NOTCH3: variants seen among roughly 807,000 people sequenced by gnomAD.
The protein encoded by NOTCH3 is notch receptor 3.
A neutral mutation model predicts 213.3 loss-of-function variants in NOTCH3; 86 were observed. The observed-to-expected ratio is 0.40, with a 90% confidence interval of 0.34 to 0.48. The LOEUF is 0.48. Among genes scored for constraint, NOTCH3 ranks in the 20% least tolerant of loss-of-function variants. The pLI, the probability that NOTCH3 is intolerant of heterozygous loss-of-function variation, is 0.57. For synonymous variants in NOTCH3, 1,354 were observed against 1,355.9 expected, an observed-to-expected ratio of 1.00 and a Z score of 0.03; for missense variants, 2,783 against 3,272.6, an observed-to-expected ratio of 0.85 and a Z score of 3.65.
intron 19 of NOTCH3, 28 bp downstream of exon 19, chr19:15,180,652 CA>C: frequency 6.5e-7 from 1 of 1,543,688 alleles, no homozygotes; most frequent in East Asian, 2.4e-5. Flanking sequence ...CCCAAGGCCC[CA>C]CACGCCCGCC....
intron 2 of NOTCH3, 59 bp downstream of exon 2, chr19:15,197,441 G>GGGGGGGGCCCCCCCCCCCCC: frequency 1.3e-6 from 1 of 768,364 alleles, no homozygotes; most frequent in Non-Finnish European, 2.3e-6. Context: ...AAGACAAATC[G>GGGGGGGGCCCCCCCCCCCCC]CCCCTCCCCC....
At position 15,181,626 on chromosome 19, in the gene NOTCH3, T is replaced by C. The variant is rs1043997; in HGVS notation, c.2742A>G (p.Pro914=). The change falls in exon 17 of 33, where the codon CCA becomes CCG. Residue 914 remains proline, a synonymous_variant. Transcript: ENST00000263388. ...HVASFTCTCP[P]GYGGFHCEQD... ...GTTCGCAGTGGAAGCCTCCGTAGCC[T>C]GGCGGGCAGGTGCAGGTGAAGGAGG... The C allele has an allele frequency of 0.84, 1,310,373 of 1,551,032 alleles. 557,175 individuals are homozygous for C. Among genetic ancestry groups the C allele is most frequent in the Non-Finnish European group, 0.87 (999,345 of 1,147,074 alleles).
At chr19:15,162,792 T>C (rs1309350479) in intron 31 of NOTCH3, among the ~76,000 whole-genome samples, 2 of 32,378 alleles carry the variant, frequency 6.2e-5, no homozygotes, top group African/African-American at 8.6e-5. Context: ...TGTGTGTGTG[T>C]GCGTGCATGT....
rs550850581 is a variant in NOTCH3 at position 15,167,532 on chromosome 19, G to A, written c.5200-121C>T. The A allele has an allele frequency of 4.7e-5, 40 of 858,094 alleles. 1 individual carries two copies. The African/African-American group carries it at 6.0e-4, about 13-fold the overall frequency. The allele number at this position is 858,094 out of a possible 1,614,324, so 53.2% of individuals were successfully genotyped here. On this transcript the variant is annotated intron_variant, in intron 28 of 32. Coordinates refer to ENST00000263388, the MANE Select transcript of NOTCH3 (RefSeq NM_000435.3). ...TTTAGGAGATACACACAGAGCCCTG[G>A]GAAATCATTTACCATCTGTTTGGTG...
At chr19:15,200,238 C>T (rs2047001605) in intron 1 of NOTCH3, among the ~76,000 whole-genome samples, 3 of 151,598 alleles carry the variant, frequency 2.0e-5, no homozygotes, top group Non-Finnish European at 3.0e-5. Flanking sequence ...GCGCGCGCCG[C>T]CGAGGCTCCG....
chr19:15,179,559 C>T lies in NOTCH3; in HGVS notation c.3328-63G>A, dbSNP rs755801787. 3.2e-4 allele frequency: 509 copies of T among 1,577,536 alleles called. 1 individual carries two copies. The highest frequency in any genetic ancestry group is 4.0e-4 in the Non-Finnish European group (467 of 1,153,194). On this transcript the variant is annotated intron_variant, in intron 20 of 32. Transcript: ENST00000263388. ...GGGACACAGACCCACCTGGACATACCCATGAAGACGCAAAGAACCCCAGCA... is the reference window on the plus strand; with the variant it reads ...GGGACACAGACCCACCTGGACATACTCATGAAGACGCAAAGAACCCCAGCA...
At chr19:15,188,034 T>A (rs939307827) in intron 9 of NOTCH3, 40 bp from the exon 10 acceptor site, 2 of 1,472,492 alleles carry the variant, frequency 1.4e-6, no homozygotes, top group African/African-American at 2.8e-5. Context: ...CCAGAAAGGG[T>A]GAGAGCAGTA....
chr19:15,164,224 TTTTTTG>T (rs1486447301), intron 31 of NOTCH3, among the ~76,000 whole-genome samples: 13 of 2,244 alleles, frequency 5.8e-3, no homozygotes, highest in African/African-American at 0.021. Context: ...AATAAAGCAG[TTTTTTG>T]TTTTTTGTTT....
At chr19:15,162,791 GTGCGTGCA>G (rs1387119446) in intron 31 of NOTCH3, among the ~76,000 whole-genome samples, 28 of 30,756 alleles carry the variant, frequency 9.1e-4, no homozygotes, top group Admixed American at 5.7e-3. Flanking sequence ...GTGTGTGTGT[GTGCGTGCA>G]TGTGCATGAC....
intron 2 of NOTCH3, 58 bp from the exon 3 acceptor site, chr19:15,192,577 G>A: frequency 6.5e-7 from 1 of 1,544,208 alleles, no homozygotes; most frequent in Non-Finnish European, 8.7e-7. Flanking sequence ...CAGACACAAA[G>A]ATACACACAA....
In NOTCH3 at chr19:15,160,716, C is replaced by A. The variant is rs2046632698; in HGVS notation, c.6912G>T (p.Gln2304His). ...LSVPSSLAQAQTQLGPQPEVT... is the reference protein window; with the variant it reads ...LSVPSSLAQAHTQLGPQPEVT... ...CTTCCGGCTGGGGCCCCAGCTGGGTCTGGGCCTGAGCAAGGGAGCTGGGAA... is the reference window on the plus strand; with the variant it reads ...CTTCCGGCTGGGGCCCCAGCTGGGTATGGGCCTGAGCAAGGGAGCTGGGAA... Residue 2304 changes from glutamine (Q) to histidine (H), a missense_variant, in exon 33 of 33, where the codon CAG becomes CAT. Transcript: ENST00000263388. 1.9e-6 allele frequency: 3 copies of A among 1,614,178 alleles called. No individual in the cohort carries two copies. In the East Asian group the frequency reaches 6.7e-5, roughly 36 times the overall value.
chr19:15,195,838 GC>G (rs1280007188), intron 2 of NOTCH3, among the ~76,000 whole-genome samples: 1 of 151,538 alleles, frequency 6.6e-6, no homozygotes, highest in Non-Finnish European at 1.5e-5. Context: ...TGCGTCCCGC[GC>G]CCCCGCCGAC....
At position 15,162,432 on chromosome 19, in the gene NOTCH3, C is replaced by T. The variant is rs1240685279; in HGVS notation, c.5913+33G>A. On this transcript the variant is annotated intron_variant, in intron 32 of 32. Transcript: ENST00000263388. ...GGATTGCAATGGCACTGTGCCACTG[C>T]TGACACCCAGTGGACCAAGGGCTGG... 6.6e-6 allele frequency: 10 copies of T among 1,507,446 alleles called. No homozygotes were observed. The African/African-American group carries it at 1.1e-4, about 17-fold the overall frequency. The allele number at this position is 1,507,446 out of a possible 1,614,324, so 93.4% of individuals were successfully genotyped here. A position where few individuals can be genotyped will look rare whatever the true frequency, so the allele number is the denominator to read the frequency against.
intron 28 of NOTCH3, among the ~76,000 whole-genome samples, chr19:15,167,684 G>A (rs1012704147): frequency 2.0e-5 from 3 of 152,128 alleles, no homozygotes; most frequent in Non-Finnish European, 4.4e-5. Context: ...CTCTGGAGTA[G>A]CTGGGATTAC....
intron 10 of NOTCH3, 49 bp from the exon 11 acceptor site, chr19:15,187,387 C>A: frequency 6.5e-7 from 1 of 1,542,096 alleles, no homozygotes; most frequent in Non-Finnish European, 8.9e-7. Context: ...GGGGCCTGCC[C>A]ACAAGTGAGG....
chr19:15,181,435 C>A, intron 17 of NOTCH3, 141 bp downstream of exon 17: 2 of 741,146 alleles, frequency 2.7e-6, no homozygotes, highest in Non-Finnish European at 2.2e-6. Context: ...CCTTCCCTGG[C>A]CCTGCCCCAT....
chr19:15,162,723 C>T (rs2046654952), intron 31 of NOTCH3, among the ~76,000 whole-genome samples, 161 bp from the exon 32 acceptor site: 3 of 151,596 alleles, frequency 2.0e-5, no homozygotes, highest in Admixed American at 2.0e-4. Flanking sequence ...TGCAAATCTG[C>T]AAAATGACTC....
chr19:15,171,523 G>C (rs890413053), intron 25 of NOTCH3, among the ~76,000 whole-genome samples: 6 of 151,974 alleles, frequency 3.9e-5, no homozygotes, highest in Non-Finnish European at 8.8e-5. Flanking sequence ...CTAATTTTTG[G>C]GGGGGGTTGG....
chr19:15,165,655 G>A lies in NOTCH3; in HGVS notation c.5667+132C>T, dbSNP rs1209413530. The A allele has an allele frequency of 4.3e-6, 5 of 1,156,482 alleles. No homozygotes were observed. Among genetic ancestry groups the A allele is most frequent in the Non-Finnish European group, 4.8e-6 (4 of 836,214 alleles). The allele number at this position is 1,156,482 out of a possible 1,614,324, so 71.6% of individuals were successfully genotyped here. A position where few individuals can be genotyped will look rare whatever the true frequency, so the allele number is the denominator to read the frequency against. On this transcript the variant is annotated intron_variant, in intron 30 of 32. Coordinates refer to ENST00000263388, the MANE Select transcript of NOTCH3 (RefSeq NM_000435.3). The surrounding 1 kb of genome is among the most constrained non-coding windows in gnomAD (Gnocchi z 4.7). The stretch of plus-strand genomic sequence containing the variant: ...AGGTTCAGGGAGCAGCTGCTTGACA[G>A]ATACTGTATTCCCATATATCCCCAT...
Sources: allele counts gnomAD v4.1 joint callset (sites outside exome capture counted in the v4.1 genomes callset), GRCh38; gene constraint gnomAD v4.1.1; non-coding constraint Gnocchi (gnomAD v3.1); transcripts MANE v1.5; gene names NCBI Gene and HGNC (gene_info 2026-07-23, HGNC 2026-07-21).